FILIP1L: variants seen among roughly 807,000 people sequenced by gnomAD.
The protein encoded by FILIP1L is filamin A-interacting protein 1-like.
A neutral mutation model predicts 96.6 loss-of-function variants in FILIP1L; 55 were observed. That is an observed-to-expected ratio of 0.57 (90% confidence interval 0.46 to 0.71). FILIP1L has a LOEUF of 0.71. FILIP1L is among the 30% of genes least tolerant of loss of function. FILIP1L has a pLI of 0.00. For missense variants in FILIP1L, 1,304 were observed against 1,321.2 expected (o/e 0.99, Z 0.20); for synonymous variants, 467 against 473.9 (o/e 0.99, Z 0.19).
chr3:99,948,317 A>T (rs950364730), intron 1 of FILIP1L, among the ~76,000 whole-genome samples: 8 of 152,064 alleles, frequency 5.3e-5, no homozygotes, highest in African/African-American at 1.7e-4. Flanking sequence ...ACATAGTGAG[A>T]CTGTCTCTCC....
chr3:99,890,269 G>A (rs1706041399), intron 4 of FILIP1L, among the ~76,000 whole-genome samples: 1 of 151,934 alleles, frequency 6.6e-6, no homozygotes, highest in Admixed American at 6.6e-5. Flanking sequence ...TTCCCTGGCT[G>A]TTTTTATGAT....
intron 3 of FILIP1L, among the ~76,000 whole-genome samples, chr3:99,926,588 A>T (rs1036233812): frequency 6.6e-6 from 1 of 152,246 alleles, no homozygotes; most frequent in African/African-American, 2.4e-5. Context: ...AAATACATTC[A>T]ATTTAATTTG....
At chr3:99,835,277 G>T (rs1425772908) in intron 5 of FILIP1L, among the ~76,000 whole-genome samples, 1 of 152,174 alleles carries the variant, frequency 6.6e-6, no homozygotes, top group Non-Finnish European at 1.5e-5. Context: ...ATGCTACTTT[G>T]TCTGGTCCTT....
At chr3:99,853,538 G>GA (rs1379591839) in intron 4 of FILIP1L, among the ~76,000 whole-genome samples, 1 of 152,164 alleles carries the variant, frequency 6.6e-6, no homozygotes, top group Admixed American at 6.5e-5. Flanking sequence ...AAAAGGTTTA[G>GA]AAAAAAATTC....
chr3:99,947,945 C>G (rs1482915441), intron 1 of FILIP1L, among the ~76,000 whole-genome samples: 1 of 152,090 alleles, frequency 6.6e-6, no homozygotes, highest in African/African-American at 2.4e-5. Flanking sequence ...ATCATATAGA[C>G]TTGAATAAAA....
At chr3:99,977,818 C>T (rs1008290335) in intron 1 of FILIP1L, among the ~76,000 whole-genome samples, 1 of 152,100 alleles carries the variant, frequency 6.6e-6, no homozygotes, top group Non-Finnish European at 1.5e-5. Flanking sequence ...TAAACCTAGG[C>T]AGTCATTTAC....
intron 5 of FILIP1L, among the ~76,000 whole-genome samples, chr3:99,841,570 A>AG (rs1311339584): frequency 6.6e-6 from 1 of 152,196 alleles, no homozygotes; most frequent in African/African-American, 2.4e-5. Context: ...TAGGCTTTGT[A>AG]GGTCTGTAGG....
intron 4 of FILIP1L, among the ~76,000 whole-genome samples, chr3:99,888,853 A>G (rs777164110): frequency 2.4e-4 from 36 of 152,148 alleles, no homozygotes; most frequent in Non-Finnish European, 3.5e-4. Flanking sequence ...TTTTCTCTCC[A>G]TGATCTTATT....
intron 1 of FILIP1L, among the ~76,000 whole-genome samples, chr3:100,078,456 C>T (rs1385978271): frequency 1.3e-5 from 2 of 152,108 alleles, no homozygotes; most frequent in Non-Finnish European, 2.9e-5. Context: ...AAAATGTAGT[C>T]GTTTAAAACA....
At chr3:99,925,792 A>G (rs1707274610) in intron 3 of FILIP1L, 1 of 934,798 alleles carries the variant, frequency 1.1e-6, no homozygotes, top group Non-Finnish European at 1.3e-6. Context: ...AGAACCAGGC[A>G]GTAAAGAACA....
intron 1 of FILIP1L, among the ~76,000 whole-genome samples, chr3:99,990,213 T>A (rs1709472922): frequency 6.6e-6 from 1 of 151,860 alleles, no homozygotes; most frequent in African/African-American, 2.4e-5. Context: ...CACTGGGTGG[T>A]AGAGAGGGTA....
chr3:100,081,438 A>T (rs943662271), intron 1 of FILIP1L, among the ~76,000 whole-genome samples: 1 of 152,192 alleles, frequency 6.6e-6, no homozygotes, highest in Non-Finnish European at 1.5e-5. Context: ...TTGTCTGTCA[A>T]TGCTAGTCTC....
rs547816295 is a variant in FILIP1L at position 99,930,234 on chromosome 3, T to G, written c.253-205A>C. On this transcript the variant is annotated intron_variant, in intron 2 of 5. Coordinates refer to ENST00000477258, the MANE Select transcript of FILIP1L (RefSeq NM_001387850.1). The stretch of plus-strand genomic sequence containing the variant: ...ATTACACAATTAATGTTTTAAAAAG[T>G]GATTACTATACAACATTGGAGGACT... Among the ~76,000 whole-genome samples, 4 of 152,354 alleles carry G rather than the reference T, an allele frequency of 2.6e-5. No individual in the cohort carries two copies. The East Asian group carries it at 7.7e-4, about 29-fold the overall frequency.
At chr3:99,853,846 CAA>C (rs1943827272) in intron 4 of FILIP1L, among the ~76,000 whole-genome samples, 1 of 152,100 alleles carries the variant, frequency 6.6e-6, no homozygotes, top group Admixed American at 6.5e-5. Context: ...GGAAGGTAAA[CAA>C]GAATTTATAT....
At chr3:100,037,955 T>TTTTG (rs2065136152) in intron 1 of FILIP1L, among the ~76,000 whole-genome samples, 1 of 134,104 alleles carries the variant, frequency 7.5e-6, no homozygotes, top group South Asian at 2.4e-4. Flanking sequence ...TTTTTTTTTT[T>TTTTG]TGGGGGGGGA....
chr3:99,860,085 T>C (rs1944168656), intron 4 of FILIP1L, among the ~76,000 whole-genome samples: 2 of 152,202 alleles, frequency 1.3e-5, no homozygotes, highest in African/African-American at 4.8e-5. Context: ...CTTTATGTCC[T>C]TGTTACTGAA....
At chr3:99,912,141 T>C (rs1198158188) in intron 4 of FILIP1L, among the ~76,000 whole-genome samples, 1 of 152,206 alleles carries the variant, frequency 6.6e-6, no homozygotes, top group Non-Finnish European at 1.5e-5. Context: ...CATACTGACC[T>C]TTTTGGTTTT....
chr3:99,977,852 T>A (rs1391269520), intron 1 of FILIP1L, among the ~76,000 whole-genome samples: 1 of 152,036 alleles, frequency 6.6e-6, no homozygotes, highest in Non-Finnish European at 1.5e-5. Flanking sequence ...ATAAGAGAAA[T>A]CTGTTACCAT....
chr3:100,022,511 A>G (rs2064844475), intron 1 of FILIP1L, among the ~76,000 whole-genome samples: 1 of 152,230 alleles, frequency 6.6e-6, no homozygotes, highest in Non-Finnish European at 1.5e-5. Context: ...AAAATCACAC[A>G]TATATCTTAT....
Sources: allele counts gnomAD v4.1 joint callset (sites outside exome capture counted in the v4.1 genomes callset), GRCh38; gene constraint gnomAD v4.1.1; transcripts MANE v1.5; gene names NCBI Gene and HGNC (gene_info 2026-07-23, HGNC 2026-07-21).